Variants in MREG observed in about 807,000 individuals in gnomAD.
MREG encodes dilute suppressor protein homolog.
In MREG, 31 loss-of-function variants were observed where a neutral mutation model predicts 28.5. The ratio of observed to expected loss-of-function variants is 1.09; its 90% CI spans 0.82 to 1.47. MREG has a LOEUF of 1.47. Among genes scored for constraint, MREG ranks in the 40% most tolerant of loss-of-function variants. MREG has a pLI of 0.00. For missense variants in MREG, 256 were observed against 257.4 expected (o/e 0.99, Z 0.04); for synonymous variants, 106 against 95.2 (o/e 1.11, Z -0.66).
chr2:215,964,486 A>AAAG (rs373984914), intron 2 of MREG, among the ~76,000 whole-genome samples: 17 of 150,360 alleles, frequency 1.1e-4, no homozygotes, highest in Admixed American at 4.7e-4. Context: ...TGTCTCAAAA[A>AAAG]AAAGAAAGAA....
chr2:216,031,415 AG>A (rs1489619279), intron 1 of MREG, among the ~76,000 whole-genome samples: 1 of 81,346 alleles, frequency 1.2e-5, no homozygotes, highest in African/African-American at 5.6e-5. Context: ...AAAGGAAGAA[AG>A]GAAGAAAGAA....
At chr2:216,018,879 CT>C (rs749502136) in intron 1 of MREG, among the ~76,000 whole-genome samples, 32 of 152,204 alleles carry the variant, frequency 2.1e-4, no homozygotes, top group Non-Finnish European at 3.8e-4. Context: ...TCCCTCACCC[CT>C]AACCCTCAAC....
chr2:215,972,132 C>A (rs549451309), intron 2 of MREG, among the ~76,000 whole-genome samples: 1 of 152,236 alleles, frequency 6.6e-6, no homozygotes, highest in African/African-American at 2.4e-5. Context: ...AGGACCCTGT[C>A]TCCTTCCTAG....
intron 2 of MREG, among the ~76,000 whole-genome samples, chr2:215,975,553 G>A (rs1267641480): frequency 6.6e-6 from 1 of 152,138 alleles, no homozygotes; most frequent in Non-Finnish European, 1.5e-5. Flanking sequence ...AATACCATTT[G>A]GGGGCAGCCA....
chr2:215,949,576 A>G (rs1359821485), intron 2 of MREG, among the ~76,000 whole-genome samples: 6 of 151,296 alleles, frequency 4.0e-5, no homozygotes, highest in African/African-American at 1.5e-4. Context: ...AAAAAAAAAA[A>G]TCCTCCAGGA....
At chr2:215,989,005 G>A (rs1693653878) in intron 2 of MREG, among the ~76,000 whole-genome samples, 1 of 152,224 alleles carries the variant, frequency 6.6e-6, no homozygotes, top group African/African-American at 2.4e-5. Context: ...CGGCTCTGAA[G>A]AGAGCAGTGG....
chr2:216,033,389 A>G (rs1457173268), upstream of MREG, among the ~76,000 whole-genome samples: 1 of 152,134 alleles, frequency 6.6e-6, no homozygotes, highest in East Asian at 1.9e-4. Context: ...CACAAGAGCG[A>G]GTAAGTGGTA....
intron 2 of MREG, among the ~76,000 whole-genome samples, chr2:215,995,511 C>CG (rs1553553520): frequency 7.3e-5 from 10 of 136,120 alleles, no homozygotes; most frequent in African/African-American, 3.2e-4. Context: ...CCCACCCCAC[C>CG]CCCCGCCACC....
intron 1 of MREG, among the ~76,000 whole-genome samples, chr2:216,004,384 C>T (rs937198130): frequency 6.6e-5 from 10 of 152,142 alleles, no homozygotes; most frequent in African/African-American, 1.9e-4. Flanking sequence ...ACAAAAGCCA[C>T]GAGGACAGGG....
At chr2:215,995,346 T>C (rs1693838579) in intron 2 of MREG, among the ~76,000 whole-genome samples, 1 of 152,066 alleles carries the variant, frequency 6.6e-6, no homozygotes, top group Non-Finnish European at 1.5e-5. Context: ...CTCCAAAGCA[T>C]CCAACTCACA....
At chr2:215,987,969 T>C (rs1380764287) in intron 2 of MREG, among the ~76,000 whole-genome samples, 4 of 152,156 alleles carry the variant, frequency 2.6e-5, no homozygotes, top group African/African-American at 7.2e-5. Context: ...AAAAGGTTTA[T>C]TTCAAATCAT....
At chr2:215,984,046 G>A (rs1037607356) in intron 2 of MREG, among the ~76,000 whole-genome samples, 30 of 152,150 alleles carry the variant, frequency 2.0e-4, no homozygotes, top group Non-Finnish European at 4.4e-5. Flanking sequence ...AAAGAAAGAG[G>A]TTTAATTGGA....
chr2:216,011,008 A>C (rs544051985), intron 1 of MREG, among the ~76,000 whole-genome samples: 90 of 150,074 alleles, frequency 6.0e-4, no homozygotes, highest in African/African-American at 2.1e-3. Context: ...AGGCAGGAGA[A>C]TGGTGTCAGC....
At chr2:215,994,972 G>C (rs1693828714) in intron 2 of MREG, among the ~76,000 whole-genome samples, 1 of 152,190 alleles carries the variant, frequency 6.6e-6, no homozygotes, top group Non-Finnish European at 1.5e-5. Context: ...AGGAAGAAAA[G>C]AGAAGAAATG....
intron 1 of MREG, among the ~76,000 whole-genome samples, chr2:216,031,004 T>G: frequency 6.9e-6 from 1 of 145,006 alleles, no homozygotes; most frequent in Non-Finnish European, 1.5e-5. Flanking sequence ...ACTCTGTCCC[T>G]GCTCTCTCTC....
chr2:216,015,107 G>T (rs1202631606), upstream of MREG, among the ~76,000 whole-genome samples: 1 of 152,216 alleles, frequency 6.6e-6, no homozygotes, highest in East Asian at 1.9e-4. Flanking sequence ...AGAGCGGGGT[G>T]TGTGTGTGCA....
chr2:215,975,027 TG>T (rs1693216319), intron 2 of MREG, among the ~76,000 whole-genome samples: 4 of 144,720 alleles, frequency 2.8e-5, no homozygotes, highest in Admixed American at 6.9e-5. Context: ...TATATATATA[TG>T]AAATAATACC....
chr2:215,978,677 T>C (rs1283350878), intron 2 of MREG, among the ~76,000 whole-genome samples: 12 of 152,186 alleles, frequency 7.9e-5, no homozygotes, highest in Non-Finnish European at 1.5e-5. Context: ...TCAAAAAGGT[T>C]ATCCACCACG....
At chr2:216,008,334 T>G (rs1694215525) in intron 1 of MREG, among the ~76,000 whole-genome samples, 1 of 152,222 alleles carries the variant, frequency 6.6e-6, no homozygotes, top group Admixed American at 6.5e-5. Context: ...AAATTCAATT[T>G]GTAACAATTG....
Sources: gnomAD v4.1 joint callset for allele counts (sites outside exome capture counted in the v4.1 genomes callset) on GRCh38, gnomAD v4.1.1 for gene constraint, MANE v1.5 for transcripts, NCBI Gene and HGNC (gene_info 2026-07-23, HGNC 2026-07-21) for gene names.